Variants in LMAN1 observed in about 807,000 individuals in gnomAD.
LMAN1 encodes protein ERGIC-53.
LMAN1 carries 32 observed loss-of-function variants against 67.8 expected under a neutral mutation model. The ratio of observed to expected loss-of-function variants is 0.47; its 90% confidence interval spans 0.36 to 0.63. The LOEUF is 0.63. Ranked by LOEUF, LMAN1 falls within the 30% of genes least tolerant of loss-of-function variation. LMAN1 has a pLI of 0.00. For missense variants in LMAN1, 632 were observed against 628.2 expected, an observed-to-expected ratio of 1.01 and a Z score of -0.06; for synonymous variants, 235 against 219.3, an observed-to-expected ratio of 1.07 and a Z score of -0.63.
intron 10 of LMAN1, among the ~76,000 whole-genome samples, chr18:59,337,167 T>C (rs144231369): frequency 0.012 from 1,828 of 148,214 alleles, 42 homozygotes; most frequent in African/African-American, 0.042. Flanking sequence ...TATAATAATA[T>C]ATATAATTAT....
chr18:59,346,039 T>C lies in LMAN1; in HGVS notation c.835A>G (p.Lys279Glu). ...EPGKEPPTPD[K>E]EISEKEKEKY... ...TCTTTTTCCTTTTCCGAAATTTCTT[T>C]ATCTGGTGTGGGCTTTTTTTTGGAG... is the stretch of plus-strand genomic sequence containing the variant. Residue 279 changes from lysine to glutamate, a missense_variant, in exon 8 of 13, where the codon AAA becomes GAA. By Grantham distance (56) the Lys-to-Glu change is moderately conservative. Coordinates refer to ENST00000251047, the MANE Select transcript of LMAN1 (RefSeq NM_005570.4). The C allele has an allele frequency of 6.2e-7, 1 of 1,610,188 alleles. No individual in the cohort carries two copies. Among genetic ancestry groups the C allele is most frequent in the Non-Finnish European group, 8.5e-7 (1 of 1,177,620 alleles).
Position 59,329,544 on chromosome 18 carries a change from CTG to C in LMAN1, c.*1547_*1548del, listed in dbSNP as rs2070734961. 6.6e-6 allele frequency: 1 copy of C among 152,056 alleles called. No homozygotes were observed. Among genetic ancestry groups the C allele is most frequent in the South Asian group, 2.1e-4 (1 of 4,826 alleles). The allele number at this position is 152,056 out of a possible 1,614,324, so 9.4% of individuals were successfully genotyped here. The stretch of plus-strand genomic sequence containing the variant: ...AAGAAAAATGCTAGAGAAGCATTTT[CTG>C]TGTTGAAATGACTGAAGTAAAGTGA... On this transcript the variant is annotated 3_prime_UTR_variant, in exon 13 of 13. Transcript: ENST00000251047.
At chr18:59,338,455 C>T in intron 10 of LMAN1, 102 bp downstream of exon 10, 2 of 857,894 alleles carry the variant, frequency 2.3e-6, no homozygotes, top group Non-Finnish European at 3.8e-6. Context: ...GGATTCTTAC[C>T]CTCATGCAGA....
intron 8 of LMAN1, among the ~76,000 whole-genome samples, chr18:59,343,806 T>TA (rs1908339961): frequency 6.6e-6 from 1 of 152,020 alleles, no homozygotes; most frequent in African/African-American, 2.4e-5. Flanking sequence ...AAATGGGACT[T>TA]AAACTAAAAA....
At chr18:59,357,200 T>C (rs1163121845) in intron 1 of LMAN1, among the ~76,000 whole-genome samples, 3 of 152,216 alleles carry the variant, frequency 2.0e-5, no homozygotes, top group African/African-American at 7.2e-5. Flanking sequence ...ACTAATACTT[T>C]GTTTCAAATT....
At position 59,331,101 on chromosome 18, in the gene LMAN1, A is replaced by T. The variant is rs2070744555; in HGVS notation, c.1525T>A (p.Phe509Ile). Residue 509 changes from phenylalanine (F) to isoleucine (I), a missense_variant, in exon 13 of 13, where the codon TTC becomes ATC. Transcript: ENST00000251047. ...RSQQEAAAKKFF is the reference protein window; with the variant it reads ...RSQQEAAAKKIF ...ACACAGGAAAATGGTAGTCAAAAGAATTTTTTGGCAGCTGCTTCTTGCTGA... is the reference window on the plus strand; with the variant it reads ...ACACAGGAAAATGGTAGTCAAAAGATTTTTTTGGCAGCTGCTTCTTGCTGA... 1 of 1,611,344 alleles carries T rather than the reference A, an allele frequency of 6.2e-7. No homozygotes were observed. The highest frequency in any genetic ancestry group is 1.3e-5 in the African/African-American group (1 of 74,830).
At chr18:59,346,209 CTTTTTTTTTTTTTTTTTT>C (rs370183077) in intron 7 of LMAN1, among the ~76,000 whole-genome samples, 158 bp from the exon 8 acceptor site, 19 of 61,608 alleles carry the variant, frequency 3.1e-4, no homozygotes, top group South Asian at 2.9e-3. Context: ...GCAAATTACT[CTTTTTTTTTTTTTTTTTT>C]TTTTTTTTTA....
intron 6 of LMAN1, 150 bp from the exon 7 acceptor site, chr18:59,347,721 G>A: frequency 1.6e-6 from 1 of 640,854 alleles, no homozygotes. Flanking sequence ...AAAGGCAATG[G>A]CACTCTGTGA....
intron 4 of LMAN1, 140 bp downstream of exon 4, chr18:59,354,379 C>T (rs1256489526): frequency 3.2e-6 from 2 of 628,348 alleles, no homozygotes; most frequent in Non-Finnish European, 5.7e-6. Flanking sequence ...TAAAACCTTT[C>T]TACCAAGTTA....
Position 59,349,161 on chromosome 18 carries a change from G to A in LMAN1, c.715C>T (p.Pro239Ser). 6.2e-7 allele frequency: 1 copy of A among 1,613,852 alleles called. No individual in the cohort carries two copies. The highest frequency in any genetic ancestry group is 1.1e-5 in the South Asian group (1 of 91,070). ...GATATTCCAAAATGCCCTTGTGCAG[G>A]GATAATCATATTTTCCACTTTGGCA... ...FCAKVENMII[P>S]AQGHFGISAA... Residue 239 changes from proline (P) to serine (S), a missense_variant, in exon 6 of 13, where the codon CCT becomes TCT. Transcript: ENST00000251047.
intron 5 of LMAN1, among the ~76,000 whole-genome samples, chr18:59,351,808 C>T (rs1277624939): frequency 3.3e-5 from 5 of 152,122 alleles, no homozygotes; most frequent in Non-Finnish European, 1.5e-5. Context: ...TGCAGGTAAG[C>T]AAGACTTACT....
Position 59,328,360 on chromosome 18 carries a change from T to C in LMAN1, c.*2733A>G, listed in dbSNP as rs1430761549. 6.6e-6 allele frequency: 1 copy of C among 152,118 alleles called. No individual in the cohort carries two copies. The highest frequency in any genetic ancestry group is 1.5e-5 in the Non-Finnish European group (1 of 68,020). The allele number at this position is 152,118 out of a possible 1,614,324, so 9.4% of individuals were successfully genotyped here. A position where few individuals can be genotyped will look rare whatever the true frequency, so the allele number is the denominator to read the frequency against. On this transcript the variant is annotated 3_prime_UTR_variant, in exon 13 of 13. Transcript: ENST00000251047. ...TTGACCATGAATGATCTCAAGATGATTTCATAAGATTAAAAGCCATCACGA... is the reference window on the plus strand; with the variant it reads ...TTGACCATGAATGATCTCAAGATGACTTCATAAGATTAAAAGCCATCACGA...
At chr18:59,348,998 G>A (rs558455696) in intron 6 of LMAN1, 115 bp downstream of exon 6, 277 of 1,251,942 alleles carry the variant, frequency 2.2e-4, no homozygotes, top group Non-Finnish European at 3.1e-4. Context: ...TGATGGGAAA[G>A]TTCCAAACAG....
At chr18:59,355,685 C>G (rs771742679) in intron 1 of LMAN1, 27 bp from the exon 2 acceptor site, 1 of 1,609,620 alleles carries the variant, frequency 6.2e-7, no homozygotes, top group South Asian at 1.1e-5. Context: ...GGGAAAAAAG[C>G]TTTAAGTTAT....
At chr18:59,332,734 C>T (rs2070755022) in intron 11 of LMAN1, among the ~76,000 whole-genome samples, 4 of 151,942 alleles carry the variant, frequency 2.6e-5, no homozygotes, top group Admixed American at 1.3e-4. Flanking sequence ...ATGAAGCTAA[C>T]AAGATAGCAA....
intron 10 of LMAN1, among the ~76,000 whole-genome samples, chr18:59,334,807 T>A (rs1392983621): frequency 3.3e-5 from 5 of 152,176 alleles, no homozygotes; most frequent in Non-Finnish European, 5.9e-5. Flanking sequence ...CAAACTACCC[T>A]TTCCATTAAA....
chr18:59,356,920 A>G (rs1908672004), intron 1 of LMAN1, among the ~76,000 whole-genome samples: 1 of 152,224 alleles, frequency 6.6e-6, no homozygotes, highest in Admixed American at 6.5e-5. Context: ...TATGGCCTTA[A>G]GTGTACTAAA....
intron 7 of LMAN1, among the ~76,000 whole-genome samples, chr18:59,346,735 G>T (rs930918934): frequency 6.6e-6 from 1 of 150,572 alleles, no homozygotes; most frequent in African/African-American, 2.4e-5. Context: ...GGTCAGGCTG[G>T]TCTCAAACTC....
At chr18:59,349,344 G>T in intron 5 of LMAN1, 108 bp from the exon 6 acceptor site, 1 of 1,017,230 alleles carries the variant, frequency 9.8e-7, no homozygotes, top group Non-Finnish European at 1.5e-6. Context: ...ATTATAAAGA[G>T]TAATTTTAAA....
Sources: allele counts gnomAD v4.1 joint callset (sites outside exome capture counted in the v4.1 genomes callset), GRCh38; gene constraint gnomAD v4.1.1; transcripts MANE v1.5; gene names NCBI Gene and HGNC (gene_info 2026-07-23, HGNC 2026-07-21).